ZNF226: variants seen among roughly 807,000 people sequenced by gnomAD.
ZNF226 encodes Kruppel-associated box protein.
A neutral mutation model predicts 11.4 loss-of-function variants in ZNF226; 6 were observed. The observed-to-expected ratio is 0.53, with a 90% CI of 0.29 to 1.04. ZNF226 has a LOEUF of 1.04. Among genes scored for constraint, ZNF226 ranks in the 50% least tolerant of loss-of-function variants. ZNF226 has a pLI of 0.08. For synonymous variants in ZNF226, 350 were observed against 322.8 expected (o/e 1.08, Z -0.90); for missense variants, 1,058 against 956.5 (o/e 1.11, Z -1.40).
At chr19:44,193,375 G>A in the ZNF226 span, among the ~76,000 whole-genome samples, 1 of 151,648 alleles carries the variant, frequency 6.6e-6, no homozygotes, top group East Asian at 1.9e-4. Context: ...TATAAAAAAA[G>A]ACAGTTGGAT....
rs35919865 is a variant in ZNF226, at chr19:44,167,314, C to CTTTTT, written c.-47+1524_-47+1528dup. 1.1e-4 allele frequency among the ~76,000 whole-genome samples: 12 copies of CTTTTT among 105,672 alleles called. 1 individual carries two copies. The highest frequency in any genetic ancestry group is 3.3e-4 in the African/African-American group (9 of 27,218). The allele number at this position is 105,672 out of a possible 152,430, so 69.3% of individuals were successfully genotyped here. On this transcript the variant is annotated intron_variant, in intron 2 of 5. Transcript: ENST00000337433. ...TTAATGACTTTCCTAATTTCTTTAA[C>CTTTTT]TTTTTTTTTTTTTTTTTTTTTGAGG... is the stretch of plus-strand genomic sequence containing the variant.
At chr19:44,167,066 C>G (rs1969467157) in intron 2 of ZNF226, among the ~76,000 whole-genome samples, 1 of 152,078 alleles carries the variant, frequency 6.6e-6, no homozygotes, top group African/African-American at 2.4e-5. Context: ...TTTGCAAAAA[C>G]CATGACATGA....
chr19:44,183,872 G>A, the ZNF226 span, among the ~76,000 whole-genome samples: 1 of 152,102 alleles, frequency 6.6e-6, no homozygotes, highest in African/African-American at 2.4e-5. Flanking sequence ...AGTTTAGTTT[G>A]GTAGGGCCAT....
chr19:44,170,612 T>C (rs1969973344), intron 3 of ZNF226, among the ~76,000 whole-genome samples: 2 of 152,198 alleles, frequency 1.3e-5, no homozygotes, highest in Non-Finnish European at 2.9e-5. Flanking sequence ...CAGGCACCTG[T>C]AGTCCCAGCT....
intron 3 of ZNF226, among the ~76,000 whole-genome samples, chr19:44,170,466 G>A (rs1386135087): frequency 6.6e-6 from 1 of 152,156 alleles, no homozygotes; most frequent in African/African-American, 2.4e-5. Context: ...GCCGGGCATG[G>A]TGGCTCACGC....
Position 44,176,511 on chromosome 19 carries a change from A to G in ZNF226, c.1249A>G (p.Lys417Glu), listed in dbSNP as rs1203586732. 1.2e-6 allele frequency: 2 copies of G among 1,614,116 alleles called. No homozygotes were observed. Among genetic ancestry groups the G allele is most frequent in the South Asian group, 1.1e-5 (1 of 91,080 alleles). ...CCATCAAAGAGTTCATACAGGAGAG[A>G]AACCATACAAATGTGAGGAGTGTGG... ...QSHQRVHTGE[K>E]PYKCEECGKG... Residue 417 changes from lysine to glutamate, a missense_variant, in exon 6 of 6, where the codon AAA becomes GAA. Lys to Glu is a moderately conservative substitution (Grantham distance 56). Coordinates refer to ENST00000337433, the MANE Select transcript of ZNF226 (RefSeq NM_001032373.2).
chr19:44,193,393 A>G, the ZNF226 span, among the ~76,000 whole-genome samples: 1 of 152,170 alleles, frequency 6.6e-6, no homozygotes, highest in Admixed American at 6.5e-5. Context: ...GATCCAAATT[A>G]TATTTCTGAA....
intron 4 of ZNF226, 106 bp downstream of exon 4, chr19:44,172,320 TG>T: frequency 2.1e-6 from 3 of 1,447,210 alleles, no homozygotes; most frequent in Non-Finnish European, 2.8e-6. Context: ...TCCTAATTTT[TG>T]TGGGATGCAG....
At chr19:44,191,448 TAAAG>T in the ZNF226 span, among the ~76,000 whole-genome samples, 2 of 152,178 alleles carry the variant, frequency 1.3e-5, no homozygotes, top group Non-Finnish European at 2.9e-5. Flanking sequence ...CCATGTAACT[TAAAG>T]AAAATATAGC....
the ZNF226 span, among the ~76,000 whole-genome samples, chr19:44,186,103 T>G: frequency 2.6e-5 from 4 of 152,084 alleles, no homozygotes; most frequent in Admixed American, 6.5e-5. Flanking sequence ...CTGTGTTATA[T>G]TGGTTATATG....
chr19:44,174,618 TATG>T lies in ZNF226; in HGVS notation c.236-877_236-875del, dbSNP rs529485273. On this transcript the variant is annotated intron_variant, in intron 5 of 5. Coordinates refer to ENST00000337433, the MANE Select transcript of ZNF226 (RefSeq NM_001032373.2). The stretch of plus-strand genomic sequence containing the variant: ...CCATTACTGCTTGTGATTATTCTGA[TATG>T]ATACTTTATCTGTTTTTTTTTCCTA... 10 of 165,964 alleles carry T rather than the reference TATG, an allele frequency of 6.0e-5. No homozygotes were observed. In the South Asian group the frequency reaches 1.8e-3, roughly 30 times the overall value. The allele number at this position is 165,964 out of a possible 1,614,324, so 10.3% of individuals were successfully genotyped here.
At chr19:44,187,565 G>A in the ZNF226 span, among the ~76,000 whole-genome samples, 3 of 151,552 alleles carry the variant, frequency 2.0e-5, no homozygotes, top group Non-Finnish European at 3.0e-5. The surrounding 1 kb of genome is among the most constrained non-coding windows in gnomAD (Gnocchi z 4.0). Flanking sequence ...TTTGTCAATT[G>A]TGTTAATCTT....
At chr19:44,196,048 T>TC in the ZNF226 span, among the ~76,000 whole-genome samples, 4 of 152,118 alleles carry the variant, frequency 2.6e-5, no homozygotes, top group South Asian at 2.1e-4. Flanking sequence ...TTTTTTTTTT[T>TC]CCCAGAAGGA....
intron 5 of ZNF226, chr19:44,174,513 A>T (rs1395211249): frequency 6.6e-6 from 1 of 152,414 alleles, no homozygotes; most frequent in Admixed American, 6.5e-5. Context: ...AAAGAAATGG[A>T]TCTTACATTG....
Position 44,177,267 on chromosome 19 carries a change from A to G in ZNF226, c.2005A>G (p.Lys669Glu), listed in dbSNP as rs1410799826. The G allele has an allele frequency of 9.9e-6, 16 of 1,614,042 alleles. No homozygotes were observed. Among genetic ancestry groups the G allele is most frequent in the Non-Finnish European group, 1.4e-5 (16 of 1,180,032 alleles). ...CCATCAAAAAGTCCACACTGGAGAT[A>G]AGCCATACAAATGTGATGAGTGTGG... ...QAHQKVHTGDKPYKCDECGKG... is the reference protein window; with the variant it reads ...QAHQKVHTGDEPYKCDECGKG... The change falls in exon 6 of 6, where the codon AAG (lysine) becomes GAG (glutamate). Residue 669 changes from lysine to glutamate, a missense_variant. Transcript: ENST00000337433.
chr19:44,181,799 T>G (rs536778458), downstream of ZNF226, among the ~76,000 whole-genome samples: 78 of 152,298 alleles, frequency 5.1e-4, no homozygotes, highest in African/African-American at 1.7e-3. Flanking sequence ...CTGAGATGGT[T>G]TCCTTGCAAA....
At chr19:44,168,796 A>G (rs1202960153) in intron 2 of ZNF226, among the ~76,000 whole-genome samples, 1 of 151,926 alleles carries the variant, frequency 6.6e-6, no homozygotes, top group Non-Finnish European at 1.5e-5. Flanking sequence ...TTCCTTTTGC[A>G]CTTAATACTT....
At chr19:44,167,650 G>A (rs1406770466) in intron 2 of ZNF226, among the ~76,000 whole-genome samples, 1 of 152,030 alleles carries the variant, frequency 6.6e-6, no homozygotes, top group African/African-American at 2.4e-5. Flanking sequence ...TTTCAAACTT[G>A]TAGAAAAGCT....
rs1259351674 is a variant in ZNF226 at position 44,175,585 on chromosome 19, CA to C, written c.326del (p.Asn109MetfsTer3). The C allele has an allele frequency of 6.2e-7, 1 of 1,613,214 alleles. No homozygotes were observed. Among genetic ancestry groups the C allele is most frequent in the Non-Finnish European group, 8.5e-7 (1 of 1,179,676 alleles). ...LSCWQIWQQI[A>X]NDLTRCQDSM... ...TGTTGGCAAATCTGGCAACAAATTG[CA>C]AATGACTTAACCAGGTGTCAAGACT... On this transcript the variant is annotated frameshift_variant, in exon 6 of 6. Coordinates refer to ENST00000337433, the MANE Select transcript of ZNF226 (RefSeq NM_001032373.2). LOFTEE classifies it low-confidence loss of function (END_TRUNC).
Sources: gnomAD v4.1 joint callset for allele counts (sites outside exome capture counted in the v4.1 genomes callset) on GRCh38, gnomAD v4.1.1 for gene constraint, Gnocchi (gnomAD v3.1) non-coding constraint, MANE v1.5 for transcripts, NCBI Gene and HGNC (gene_info 2026-07-23, HGNC 2026-07-21) for gene names.